NFU1: variants seen among roughly 807,000 people sequenced by gnomAD.
The protein encoded by NFU1 is NFU1 iron-sulfur cluster scaffold homolog, mitochondrial.
Under a neutral mutation model 32.2 loss-of-function variants are expected in NFU1, and 30 were observed. The ratio of observed to expected loss-of-function variants is 0.93; its 90% CI spans 0.70 to 1.26. NFU1 has a LOEUF of 1.26. Among genes scored for constraint, NFU1 ranks in the 50% most tolerant of loss-of-function variants. The pLI, the probability that NFU1 is intolerant of heterozygous loss-of-function variation, is 0.00. For synonymous variants in NFU1, 112 were observed against 104.6 expected (o/e 1.07, Z -0.43); for missense variants, 306 against 306.6 (o/e 1.00, Z 0.02).
intron 7 of NFU1, 108 bp downstream of exon 7, chr2:69,400,256 A>G: frequency 1.9e-6 from 2 of 1,026,768 alleles, no homozygotes; most frequent in Non-Finnish European, 3.0e-6. Context: ...AAGCTAGGTC[A>G]TGAACTTCTT....
chr2:69,427,588 G>A (rs925440599), intron 2 of NFU1, among the ~76,000 whole-genome samples: 2 of 149,902 alleles, frequency 1.3e-5, no homozygotes, highest in Non-Finnish European at 3.0e-5. Flanking sequence ...GCTGAGGCAG[G>A]AGAATCACTT....
chr2:69,412,648 T>G (rs544160997), intron 5 of NFU1, among the ~76,000 whole-genome samples: 7 of 151,960 alleles, frequency 4.6e-5, no homozygotes, highest in Non-Finnish European at 7.4e-5. Context: ...GCCTCCCAAA[T>G]TCCTGGGATT....
rs370197557 is a variant in NFU1, at chr2:69,437,375, G to T, written c.48C>A (p.Ala16=). The T allele has an allele frequency of 1.2e-6, 2 of 1,608,348 alleles. No homozygotes were observed. The highest frequency in any genetic ancestry group is 2.2e-5 in the East Asian group (1 of 44,798). The change falls in exon 1 of 8, where the codon GCC becomes GCA. Residue 16 remains alanine, a synonymous_variant. Coordinates refer to ENST00000410022, the MANE Select transcript of NFU1 (RefSeq NM_001002755.4). ...RRGWGAAAVA[A]GLRRRFCHML... ...TCGTCACCTACCGCCTGCGCAGCCC[G>T]GCGGCAACAGCCGCAGCTCCCCAGC... is the stretch of plus-strand genomic sequence containing the variant.
chr2:69,421,117 T>C (rs1288408033), intron 3 of NFU1, among the ~76,000 whole-genome samples: 2 of 151,894 alleles, frequency 1.3e-5, no homozygotes, highest in East Asian at 3.9e-4. Context: ...GGCAGGAGAA[T>C]AGCTTGAACC....
chr2:69,438,304 G>C (rs1673927204), upstream of NFU1, among the ~76,000 whole-genome samples: 1 of 151,622 alleles, frequency 6.6e-6, no homozygotes, highest in African/African-American at 2.4e-5. Flanking sequence ...CCAGGCTGGA[G>C]AGCAGGAGTG....
upstream of NFU1, chr2:69,437,530 C>G (rs746343158): frequency 7.1e-7 from 1 of 1,399,994 alleles, no homozygotes; most frequent in Admixed American, 2.0e-5. Flanking sequence ...ACCCTACCGG[C>G]TGCGGGCGGT....
At chr2:69,405,433 A>G (rs1292779428) in intron 6 of NFU1, among the ~76,000 whole-genome samples, 4 of 152,176 alleles carry the variant, frequency 2.6e-5, no homozygotes, top group Non-Finnish European at 5.9e-5. Flanking sequence ...TACCCTAGCT[A>G]TGTAGCAAGG....
chr2:69,438,551 C>T (rs947216996), upstream of NFU1, among the ~76,000 whole-genome samples: 3 of 152,130 alleles, frequency 2.0e-5, no homozygotes, highest in Admixed American at 2.0e-4. Context: ...GGTTACCTCA[C>T]CCTGCCTAGT....
intron 5 of NFU1, 132 bp from the exon 6 acceptor site, chr2:69,406,214 G>A: frequency 6.5e-6 from 4 of 618,792 alleles, no homozygotes; most frequent in South Asian, 2.0e-5. Context: ...CATGTAACTT[G>A]GTATGGAGAT....
chr2:69,416,115 GAGGAA>G (rs1673042073), intron 4 of NFU1: 2 of 151,360 alleles, frequency 1.3e-5, no homozygotes, highest in Non-Finnish European at 2.9e-5. Flanking sequence ...GAAAAGAAAA[GAGGAA>G]AGGAAAGGAA....
intron 1 of NFU1, among the ~76,000 whole-genome samples, chr2:69,435,130 C>T (rs1419796764): frequency 2.0e-5 from 3 of 152,170 alleles, no homozygotes; most frequent in Non-Finnish European, 4.4e-5. Context: ...CTCCTCTCAT[C>T]CTCCAAACCT....
chr2:69,430,934 A>G (rs1673618226), intron 2 of NFU1, among the ~76,000 whole-genome samples: 1 of 152,250 alleles, frequency 6.6e-6, no homozygotes, highest in Non-Finnish European at 1.5e-5. Flanking sequence ...TTACAGCTCC[A>G]TAACACATAT....
chr2:69,427,795 A>C (rs143674209), intron 2 of NFU1, among the ~76,000 whole-genome samples: 1,881 of 151,958 alleles, frequency 0.012, 42 homozygotes, highest in African/African-American at 0.043. Context: ...CAGCCTGGCC[A>C]ACATGGTGAA....
At chr2:69,406,738 A>G (rs1312015209) in intron 5 of NFU1, among the ~76,000 whole-genome samples, 1 of 151,820 alleles carries the variant, frequency 6.6e-6, no homozygotes, top group Non-Finnish European at 1.5e-5. Context: ...CACCCAGGCA[A>G]TTTTTTTATT....
intron 2 of NFU1, among the ~76,000 whole-genome samples, chr2:69,431,050 ATATC>A: frequency 6.6e-6 from 1 of 152,368 alleles, no homozygotes; most frequent in African/African-American, 2.4e-5. Flanking sequence ...ATTTTAAATC[ATATC>A]TATTTCCCAA....
Position 69,437,196 on chromosome 2 carries a change from A to C in NFU1, c.62+165T>G. 7.8e-6 allele frequency: 11 copies of C among 1,418,276 alleles called. 1 individual carries two copies. The highest frequency in any genetic ancestry group is 7.4e-6 in the Non-Finnish European group (8 of 1,080,808). The allele number at this position is 1,418,276 out of a possible 1,614,324, so 87.9% of individuals were successfully genotyped here. ...GGCCACAGAAGCGCCGAGCTCCCGCACAGACAGCCTCAGGGCTCACCCCCA... is the reference window on the plus strand; with the variant it reads ...GGCCACAGAAGCGCCGAGCTCCCGCCCAGACAGCCTCAGGGCTCACCCCCA... On this transcript the variant is annotated intron_variant, in intron 1 of 7. Coordinates refer to ENST00000410022, the MANE Select transcript of NFU1 (RefSeq NM_001002755.4).
At chr2:69,437,287 T>C (rs2104827857) in intron 1 of NFU1, 74 bp downstream of exon 1, 2 of 1,545,278 alleles carry the variant, frequency 1.3e-6, no homozygotes, top group East Asian at 2.4e-5. Flanking sequence ...CGAGAGAGGG[T>C]CTGCAAGGCG....
At chr2:69,423,154 G>T (rs1275946404) in intron 3 of NFU1, among the ~76,000 whole-genome samples, 1 of 100,360 alleles carries the variant, frequency 1.0e-5, no homozygotes, top group Admixed American at 9.6e-5. Context: ...ATTTGTGTGT[G>T]TGTGTGTGTG....
chr2:69,417,689 T>C (rs767252897), intron 4 of NFU1, among the ~76,000 whole-genome samples: 2 of 151,896 alleles, frequency 1.3e-5, no homozygotes, highest in Non-Finnish European at 2.9e-5. Flanking sequence ...CACACACACA[T>C]ACATATATGT....
Sources: gnomAD v4.1 joint callset for allele counts (sites outside exome capture counted in the v4.1 genomes callset) on GRCh38, gnomAD v4.1.1 for gene constraint, MANE v1.5 for transcripts, NCBI Gene and HGNC (gene_info 2026-07-23, HGNC 2026-07-21) for gene names.